Variants in PRSS3 observed in about 807,000 individuals in gnomAD.
The protein encoded by PRSS3 is trypsin-3.
A neutral mutation model predicts 20.8 loss-of-function variants in PRSS3; 14 were observed. That is an observed-to-expected ratio of 0.67 (90% confidence interval 0.44 to 1.05). PRSS3 has a LOEUF of 1.05. PRSS3 is among the 50% of genes least tolerant of loss of function. PRSS3 has a pLI of 0.00. For missense variants in PRSS3, 237 were observed against 306.4 expected (o/e 0.77, Z 1.69); for synonymous variants, 91 against 117.6 (o/e 0.77, Z 1.46).
intron 1 of PRSS3, among the ~76,000 whole-genome samples, chr9:33,778,714 C>CA (rs1251582409): frequency 6.6e-6 from 1 of 152,166 alleles, no homozygotes; most frequent in African/African-American, 2.4e-5. Flanking sequence ...TGGATTGTTG[C>CA]AGCCTCTGCC....
At chr9:33,770,828 A>G (rs1358907608) in intron 1 of PRSS3, among the ~76,000 whole-genome samples, 1 of 152,176 alleles carries the variant, frequency 6.6e-6, no homozygotes, top group Non-Finnish European at 1.5e-5. Flanking sequence ...CAACCAGTAT[A>G]TGTGGTGTAC....
intron 1 of PRSS3, among the ~76,000 whole-genome samples, chr9:33,781,190 T>A (rs2118993368): frequency 6.6e-6 from 1 of 152,310 alleles, no homozygotes; most frequent in South Asian, 2.1e-4. Context: ...CATTATTGAT[T>A]ATATATCCAA....
intron 1 of PRSS3, among the ~76,000 whole-genome samples, chr9:33,785,198 G>T (rs1824345522): frequency 1.9e-5 from 1 of 52,434 alleles, no homozygotes; most frequent in Non-Finnish European, 3.1e-5. Flanking sequence ...TTTTTTTTGA[G>T]ACGGAGTCTC....
chr9:33,778,816 A>T (rs1297373187), intron 1 of PRSS3, among the ~76,000 whole-genome samples: 1 of 152,142 alleles, frequency 6.6e-6, no homozygotes, highest in African/African-American at 2.4e-5. Flanking sequence ...TCCTAGGAGC[A>T]AACCTTGTGA....
chr9:33,781,668 A>G (rs1353769772), intron 1 of PRSS3, among the ~76,000 whole-genome samples: 1 of 152,232 alleles, frequency 6.6e-6, no homozygotes, highest in Non-Finnish European at 1.5e-5. Context: ...TTTTAAAAAG[A>G]CTAAATATGT....
At chr9:33,766,268 A>AAAAAAC (rs1823413446) in intron 1 of PRSS3, among the ~76,000 whole-genome samples, 1 of 76,486 alleles carries the variant, frequency 1.3e-5, no homozygotes, top group South Asian at 3.0e-4. Flanking sequence ...CGTCTCAAAA[A>AAAAAAC]AAAAAAAAAA....
At chr9:33,753,215 C>A (rs1469460988) in intron 1 of PRSS3, among the ~76,000 whole-genome samples, 2 of 152,168 alleles carry the variant, frequency 1.3e-5, no homozygotes, top group East Asian at 1.9e-4. Flanking sequence ...CTGACTTGAA[C>A]TGTCAGAATC....
At chr9:33,763,161 T>C (rs956260345) in intron 1 of PRSS3, among the ~76,000 whole-genome samples, 5 of 152,200 alleles carry the variant, frequency 3.3e-5, no homozygotes, top group African/African-American at 4.8e-5. Context: ...TTTAGGAAGA[T>C]GTAGGAAATA....
At chr9:33,761,981 A>G (rs1587371742) in intron 1 of PRSS3, 1 of 152,218 alleles carries the variant, frequency 6.6e-6, no homozygotes, top group East Asian at 1.9e-4. Context: ...GACTGTATAC[A>G]GCTCTCTACT....
chr9:33,777,531 C>CAAAAAAAAAAAAA (rs74180503), intron 1 of PRSS3, among the ~76,000 whole-genome samples: 1 of 101,874 alleles, frequency 9.8e-6, no homozygotes, highest in Non-Finnish European at 1.9e-5. Flanking sequence ...CTAAAAATAC[C>CAAAAAAAAAAAAA]AAAAAAAAAA....
chr9:33,750,805 G>A lies in PRSS3; in HGVS notation c.-53+78G>A. 1 of 1,410,994 alleles carries A rather than the reference G, an allele frequency of 7.1e-7. No individual in the cohort carries two copies. The highest frequency in any genetic ancestry group is 3.2e-5 in the Admixed American group (1 of 31,326). The allele number at this position is 1,410,994 out of a possible 1,614,324, so 87.4% of individuals were successfully genotyped here. ...AGAGGGAGCCCCGCCAAGGAGCGGGGCTGTGATGGAGAGGGGGTTCCGACT... is the reference window on the plus strand; with the variant it reads ...AGAGGGAGCCCCGCCAAGGAGCGGGACTGTGATGGAGAGGGGGTTCCGACT... On this transcript the variant is annotated intron_variant, in intron 1 of 5. Coordinates refer to the PRSS3 transcript ENST00000342836. This position sits in a 1 kb window ranked among gnomAD's most constrained non-coding sequence, Gnocchi z 4.8.
In PRSS3 at chr9:33,799,199, A is replaced by T; in HGVS notation, c.*19A>T. On this transcript the variant is annotated 3_prime_UTR_variant, in exon 5 of 5. Transcript: ENST00000379405. Reference sequence around the variant, plus strand: ...CAGCTAAAGCCCCCGGTCCCTCTGCAGTCTCTATACCAATAAAGTGGCCCT... The same window carrying T: ...CAGCTAAAGCCCCCGGTCCCTCTGCTGTCTCTATACCAATAAAGTGGCCCT... 11 of 1,613,674 alleles carry T rather than the reference A, an allele frequency of 6.8e-6. No homozygotes were observed. The highest frequency in any genetic ancestry group is 9.3e-6 in the Non-Finnish European group (11 of 1,179,744).
chr9:33,794,886 C>T, upstream of PRSS3: 3 of 1,550,540 alleles, frequency 1.9e-6, no homozygotes, highest in Non-Finnish European at 2.6e-6. Context: ...AAGCTCCTAC[C>T]TAACCTGTGT....
intron 1 of PRSS3, among the ~76,000 whole-genome samples, chr9:33,771,645 G>GTTTTTTT (rs112204565): frequency 2.5e-5 from 2 of 78,702 alleles, no homozygotes; most frequent in African/African-American, 3.5e-5. Flanking sequence ...TTGTTTTTTT[G>GTTTTTTT]TTTTTTTTTT....
At chr9:33,792,715 G>A (rs1824689427), upstream of PRSS3, among the ~76,000 whole-genome samples, 1 of 152,184 alleles carries the variant, frequency 6.6e-6, no homozygotes, top group Non-Finnish European at 1.5e-5. Flanking sequence ...CCTGGAAAAT[G>A]GGCAATCGCA....
At chr9:33,796,340 T>A (rs984142972) in intron 1 of PRSS3, among the ~76,000 whole-genome samples, 2 of 152,166 alleles carry the variant, frequency 1.3e-5, no homozygotes, top group African/African-American at 4.8e-5. Context: ...ACTCAGTGGG[T>A]GAGACAACAA....
At chr9:33,797,347 A>C (rs941628098) in intron 2 of PRSS3, among the ~76,000 whole-genome samples, 7 of 152,256 alleles carry the variant, frequency 4.6e-5, no homozygotes, top group African/African-American at 9.6e-5. Flanking sequence ...AAGGACCAAG[A>C]ATTTACATTT....
At chr9:33,798,678 G>GA (rs958152479) in intron 4 of PRSS3, 56 bp downstream of exon 4, 2 of 1,612,432 alleles carry the variant, frequency 1.2e-6, no homozygotes, top group African/African-American at 2.7e-5. Flanking sequence ...CCCCACCGGG[G>GA]AAAAAGATTT....
intron 1 of PRSS3, among the ~76,000 whole-genome samples, chr9:33,770,466 G>T (rs553228008): frequency 5.1e-4 from 77 of 152,266 alleles, no homozygotes; most frequent in Non-Finnish European, 9.7e-4. Context: ...AGTGTATTTT[G>T]CATATGAGAA....
Sources: gnomAD v4.1 joint callset for allele counts (sites outside exome capture counted in the v4.1 genomes callset) on GRCh38, gnomAD v4.1.1 for gene constraint, Gnocchi (gnomAD v3.1) non-coding constraint, MANE v1.5 for transcripts, NCBI Gene and HGNC (gene_info 2026-07-23, HGNC 2026-07-21) for gene names.